The following TLK2 variants were observed in gnomAD, a reference collection of about 807,000 sequenced individuals.
TLK2 encodes the protein serine/threonine-protein kinase tousled-like 2.
A neutral mutation model predicts 117.3 loss-of-function variants in TLK2; 6 were observed. The ratio of observed to expected loss-of-function variants is 0.05; its 90% CI spans 0.03 to 0.10. TLK2 has a LOEUF of 0.10. TLK2 is among the 10% of genes least tolerant of loss of function. The pLI is 1.00. For synonymous variants in TLK2, 257 were observed against 316.7 expected, an observed-to-expected ratio of 0.81 and a Z score of 2.00; for missense variants, 299 against 901.2, an observed-to-expected ratio of 0.33 and a Z score of 8.56.
rs2071270805 is a variant in TLK2, at chr17:62,479,027, G to A, written c.-269G>A. 2 of 150,350 alleles carry A rather than the reference G, an allele frequency of 1.3e-5. No homozygotes were observed. Among genetic ancestry groups the A allele is most frequent in the South Asian group, 2.1e-4 (1 of 4,784 alleles). The allele number at this position is 150,350 out of a possible 1,614,324, so 9.3% of individuals were successfully genotyped here. On this transcript the variant is annotated 5_prime_UTR_variant, in exon 1 of 22. Transcript: ENST00000346027. ...AGGAGGCCGGTCCCGCGCCCCCCGC[G>A]GCCGCCCGGGCCCGGGCCCGCGTCG...
At chr17:62,483,407 G>C (rs1256348727) in intron 2 of TLK2, among the ~76,000 whole-genome samples, 1 of 152,204 alleles carries the variant, frequency 6.6e-6, no homozygotes, top group Non-Finnish European at 1.5e-5. Context: ...TAAGGTATCA[G>C]AAAACTTTAA....
At chr17:62,590,170 G>T (rs1324956951) in intron 16 of TLK2, among the ~76,000 whole-genome samples, 1 of 147,962 alleles carries the variant, frequency 6.8e-6, no homozygotes, top group Non-Finnish European at 1.5e-5. Context: ...GGTGGCTCAC[G>T]CCTGTAATCC....
intron 2 of TLK2, among the ~76,000 whole-genome samples, chr17:62,495,153 C>T (rs1281175614): frequency 1.3e-5 from 2 of 151,536 alleles, no homozygotes; most frequent in South Asian, 4.2e-4. Context: ...GGTGACAGAG[C>T]AAGACCCTAT....
chr17:62,593,875 C>T (rs1309424132), intron 16 of TLK2, among the ~76,000 whole-genome samples: 1 of 150,926 alleles, frequency 6.6e-6, no homozygotes, highest in Non-Finnish European at 1.5e-5. Flanking sequence ...TTACTTCAAC[C>T]TCTGCCTCCT....
At chr17:62,543,768 ATTCTG>A (rs369039721) in intron 7 of TLK2, among the ~76,000 whole-genome samples, 62 of 152,280 alleles carry the variant, frequency 4.1e-4, no homozygotes, top group African/African-American at 1.4e-3. Context: ...AAGGTTTTCT[ATTCTG>A]TGGGTGGTCA....
At chr17:62,472,269 C>A (rs948239801) in intron 1 of TLK2, among the ~76,000 whole-genome samples, 1 of 151,958 alleles carries the variant, frequency 6.6e-6, no homozygotes, top group Admixed American at 6.6e-5. Context: ...GCCTAGGGGT[C>A]GTGAAGAGGA....
At chr17:62,557,225 T>C (rs2078926186) in intron 9 of TLK2, among the ~76,000 whole-genome samples, 1 of 152,164 alleles carries the variant, frequency 6.6e-6, no homozygotes, top group Non-Finnish European at 1.5e-5. Flanking sequence ...GTGCCAGGCC[T>C]ATTATTTACA....
chr17:62,496,956 C>CAA (rs1156828880), intron 2 of TLK2, among the ~76,000 whole-genome samples: 9 of 43,290 alleles, frequency 2.1e-4, no homozygotes, highest in African/African-American at 2.6e-4. Flanking sequence ...GACTCCATCT[C>CAA]AAAAAAAAAA....
intron 7 of TLK2, among the ~76,000 whole-genome samples, chr17:62,543,210 G>A (rs1468096418): frequency 6.6e-6 from 1 of 152,110 alleles, no homozygotes; most frequent in Admixed American, 6.6e-5. Context: ...AAATAGAATC[G>A]TTCTTTTTTG....
intron 15 of TLK2, 61 bp from the exon 16 acceptor site, chr17:62,586,074 A>C (rs553533995): frequency 1.6e-6 from 2 of 1,264,338 alleles, no homozygotes; most frequent in Admixed American, 4.3e-5. Flanking sequence ...TTAAAGCTTC[A>C]CATCAGTTAC....
rs77237470 is a variant in TLK2, at chr17:62,603,753, G to C, written c.1859+1573G>C. Among the ~76,000 whole-genome samples, 15 of 152,166 alleles carry C rather than the reference G, an allele frequency of 9.9e-5. No individual in the cohort carries two copies. In the East Asian group the frequency reaches 2.9e-3, roughly 29 times the overall value. ...TCATTTTACTGTTCTTTCTGCTTTA[G>C]ATTATAGTTGAGATTTTTAATAATT... is the stretch of plus-strand genomic sequence containing the variant. On this transcript the variant is annotated intron_variant, in intron 19 of 21. Transcript: ENST00000346027.
chr17:62,597,987 A>G (rs2082601895), intron 17 of TLK2, among the ~76,000 whole-genome samples: 1 of 152,228 alleles, frequency 6.6e-6, no homozygotes, highest in African/African-American at 2.4e-5. Context: ...ACAGTCTCAG[A>G]TATGGCTGTG....
intron 21 of TLK2, among the ~76,000 whole-genome samples, chr17:62,610,213 T>G (rs2083635074): frequency 6.6e-6 from 1 of 152,280 alleles, no homozygotes; most frequent in African/African-American, 2.4e-5. Context: ...GAACTTGTTG[T>G]GAAGAATACA....
At chr17:62,594,316 G>A (rs556394603) in intron 16 of TLK2, among the ~76,000 whole-genome samples, 2 of 152,188 alleles carry the variant, frequency 1.3e-5, no homozygotes, top group South Asian at 4.2e-4. Context: ...GCTGAGGCAG[G>A]AGAATCGCTT....
At chr17:62,489,257 G>A (rs2072841880) in intron 2 of TLK2, among the ~76,000 whole-genome samples, 1 of 151,106 alleles carries the variant, frequency 6.6e-6, no homozygotes, top group Non-Finnish European at 1.5e-5. Flanking sequence ...CTTGAGTGCA[G>A]TGGTGCGATT....
At chr17:62,475,669 A>AT (rs1217595139), upstream of TLK2, among the ~76,000 whole-genome samples, 5 of 150,368 alleles carry the variant, frequency 3.3e-5, no homozygotes, top group African/African-American at 7.3e-5. Flanking sequence ...AATAATAATT[A>AT]TTTTTTTTGA....
At chr17:62,609,628 C>T (rs1568022093) in intron 21 of TLK2, among the ~76,000 whole-genome samples, 1 of 152,204 alleles carries the variant, frequency 6.6e-6, no homozygotes, top group Admixed American at 6.5e-5. Context: ...TCCCATGACA[C>T]ATCCCTAAGG....
At chr17:62,601,663 A>T (rs2147179549) in intron 18 of TLK2, among the ~76,000 whole-genome samples, 1 of 152,254 alleles carries the variant, frequency 6.6e-6, no homozygotes, top group Middle Eastern at 3.4e-3. Context: ...GGTTTCTTTG[A>T]TTCCTCCCCC....
intron 16 of TLK2, among the ~76,000 whole-genome samples, chr17:62,596,054 A>C (rs1013707496): frequency 2.0e-5 from 3 of 152,088 alleles, no homozygotes; most frequent in African/African-American, 7.2e-5. Flanking sequence ...CATTCACTTA[A>C]CAAATATTTG....
Sources: gnomAD v4.1 joint callset for allele counts (sites outside exome capture counted in the v4.1 genomes callset) on GRCh38, gnomAD v4.1.1 for gene constraint, MANE v1.5 for transcripts, NCBI Gene and HGNC (gene_info 2026-07-23, HGNC 2026-07-21) for gene names.